Variants in MDH1B observed in about 807,000 individuals in gnomAD.
The protein encoded by MDH1B is malate dehydrogenase 1B, also known as putative malate dehydrogenase 1B.
MDH1B carries 60 observed loss-of-function variants against 61.4 expected under a neutral mutation model. The ratio of observed to expected loss-of-function variants is 0.98; its 90% CI spans 0.79 to 1.21. The LOEUF is 1.21. Ranked by LOEUF, MDH1B falls within the 50% of genes most tolerant of loss-of-function variation. MDH1B has a pLI of 0.00. For synonymous variants in MDH1B, 236 were observed against 218.7 expected (o/e 1.08, Z -0.70); for missense variants, 587 against 632.1 (o/e 0.93, Z 0.76).
At chr2:206,747,787 G>C (rs1365726134) in intron 7 of MDH1B, among the ~76,000 whole-genome samples, 2 of 152,118 alleles carry the variant, frequency 1.3e-5, no homozygotes, top group Non-Finnish European at 2.9e-5. Flanking sequence ...AACCTGTACT[G>C]GCGTCACTGA....
At chr2:206,750,245 T>C (rs774424746) in intron 6 of MDH1B, among the ~76,000 whole-genome samples, 2 of 151,800 alleles carry the variant, frequency 1.3e-5, no homozygotes, top group Non-Finnish European at 2.9e-5. Flanking sequence ...TGCTAGTGCT[T>C]ATTGTACAGA....
intron 1 of MDH1B, among the ~76,000 whole-genome samples, chr2:206,765,041 T>G (rs1689355899): frequency 1.3e-5 from 2 of 152,142 alleles, no homozygotes; most frequent in Admixed American, 1.3e-4. Flanking sequence ...GACTGAAAGC[T>G]CCTCTAAGGC....
At chr2:206,763,801 TC>T (rs774926211) in intron 1 of MDH1B, among the ~76,000 whole-genome samples, 67 of 152,326 alleles carry the variant, frequency 4.4e-4, no homozygotes, top group Middle Eastern at 3.4e-3. Flanking sequence ...ATTGCTCCCC[TC>T]CTTTCTACCT....
At chr2:206,744,988 C>T (rs1219312232) in intron 9 of MDH1B, among the ~76,000 whole-genome samples, 1 of 151,272 alleles carries the variant, frequency 6.6e-6, no homozygotes, top group Non-Finnish European at 1.5e-5. Flanking sequence ...CGCCTGGTAC[C>T]TATGAATGTG....
chr2:206,751,063 A>G lies in MDH1B; in HGVS notation c.923T>C (p.Val308Ala). 1 of 1,594,256 alleles carries G rather than the reference A, an allele frequency of 6.3e-7. No individual in the cohort carries two copies. The highest frequency in any genetic ancestry group is 8.6e-7 in the Non-Finnish European group (1 of 1,167,302). Residue 308 changes from valine to alanine, a missense_variant, in exon 6 of 12, where the codon GTG becomes GCG. Coordinates refer to ENST00000374412, the MANE Select transcript of MDH1B (RefSeq NM_001039845.3). ...TCCACTGATATTACCCCAAATGATC[A>G]CGTCTTTAATGTCTGTGAAGAATAG... ...LKTAPSYIKD[V>A]IIWGNISGNN... is the part of the protein sequence containing the mutation.
intron 2 of MDH1B, among the ~76,000 whole-genome samples, chr2:206,759,037 A>T (rs893514241): frequency 4.7e-5 from 7 of 148,182 alleles, no homozygotes; most frequent in Non-Finnish European, 1.0e-4. Context: ...TACATAGGTA[A>T]ATTTGTGTCA....
At chr2:206,743,099 A>C (rs1687909858) in intron 9 of MDH1B, among the ~76,000 whole-genome samples, 1 of 152,176 alleles carries the variant, frequency 6.6e-6, no homozygotes, top group Admixed American at 6.5e-5. Flanking sequence ...TTGAAGGAAC[A>C]CAGAGTTGGA....
rs756085689 is a variant in MDH1B, at chr2:206,749,002, T to C, written c.1216+18A>G. The stretch of plus-strand genomic sequence containing the variant: ...AGAGGTTTTAAGATTTTACAAGATA[T>C]GAAAAACCCAGATTTACCTTCACTC... On this transcript the variant is annotated intron_variant, in intron 7 of 11. Coordinates refer to ENST00000374412, the MANE Select transcript of MDH1B (RefSeq NM_001039845.3). 1.1e-5 allele frequency: 18 copies of C among 1,609,718 alleles called. No individual in the cohort carries two copies. The highest frequency in any genetic ancestry group is 1.6e-4 in the Middle Eastern group (1 of 6,066).
chr2:206,741,050 T>A lies in MDH1B; in HGVS notation c.1459+4A>T. On this transcript the variant is annotated splice_donor_region_variant and intron_variant, in intron 10 of 11. Transcript: ENST00000374412. ...AGACATTGTTTATAACCCCACTGAC[T>A]TACCATCTGACATAGCTAGATTTTT... is the stretch of plus-strand genomic sequence containing the variant. The A allele has an allele frequency of 6.2e-7, 1 of 1,613,148 alleles. No homozygotes were observed. The highest frequency in any genetic ancestry group is 1.1e-5 in the South Asian group (1 of 91,060).
intron 9 of MDH1B, chr2:206,745,308 T>G: frequency 2.0e-6 from 1 of 500,120 alleles, no homozygotes; most frequent in Non-Finnish European, 3.9e-6. Context: ...TCCTGAGCTG[T>G]GAACAAGTAA....
rs149410093 is a variant in MDH1B at position 206,757,236 on chromosome 2, C to T, written c.270+1G>A. On this transcript the variant is annotated splice_donor_variant, in intron 3 of 11. Transcript: ENST00000374412. LOFTEE classifies it high-confidence loss of function. ...TAGAACAGATAAGTTAACTTATATA[C>T]CTGAGCATGCTCCAGGAACTCATTA... 47 of 1,611,976 alleles carry T rather than the reference C, an allele frequency of 2.9e-5. No individual in the cohort carries two copies. The highest frequency in any genetic ancestry group is 1.8e-4 in the Admixed American group (11 of 59,686).
At chr2:206,739,823 C>T (rs1260536127) in intron 10 of MDH1B, among the ~76,000 whole-genome samples, 162 bp from the exon 11 acceptor site, 1 of 152,174 alleles carries the variant, frequency 6.6e-6, no homozygotes, top group East Asian at 1.9e-4. Flanking sequence ...TATAAAGTCT[C>T]AACCATTGAT....
intron 2 of MDH1B, among the ~76,000 whole-genome samples, chr2:206,758,245 A>G (rs1192022689): frequency 1.3e-5 from 2 of 152,212 alleles, no homozygotes; most frequent in African/African-American, 4.8e-5. Context: ...AAGGGCATGT[A>G]CAAGACTGGA....
chr2:206,744,105 C>T (rs1687957526), intron 9 of MDH1B, among the ~76,000 whole-genome samples: 1 of 152,216 alleles, frequency 6.6e-6, no homozygotes, highest in African/African-American at 2.4e-5. Flanking sequence ...GCTTTGGCCA[C>T]ATGAGCTTTT....
intron 1 of MDH1B, among the ~76,000 whole-genome samples, chr2:206,761,424 G>T (rs1272320754): frequency 6.6e-6 from 1 of 152,096 alleles, no homozygotes; most frequent in Non-Finnish European, 1.5e-5. Context: ...TGGATTTGAT[G>T]TGTGTCAGGA....
intron 11 of MDH1B, 106 bp downstream of exon 11, chr2:206,739,487 G>T: frequency 1.0e-6 from 1 of 989,264 alleles, no homozygotes; most frequent in Non-Finnish European, 1.5e-6. Flanking sequence ...TGTGGGAAGT[G>T]GGGAGGGTTT....
At chr2:206,751,676 C>G (rs1316584975) in intron 5 of MDH1B, among the ~76,000 whole-genome samples, 1 of 152,102 alleles carries the variant, frequency 6.6e-6, no homozygotes, top group East Asian at 1.9e-4. Flanking sequence ...CAGCCCAAAT[C>G]CTTACAACAT....
intron 1 of MDH1B, among the ~76,000 whole-genome samples, chr2:206,761,961 G>T (rs761307287): frequency 6.6e-6 from 1 of 152,090 alleles, no homozygotes; most frequent in Non-Finnish European, 1.5e-5. Context: ...TTTGGGAAAT[G>T]AGCCTGATAA....
rs1298800284 is a variant in MDH1B at position 206,747,876 on chromosome 2, A to G, written c.1216+1144T>C. Among the ~76,000 whole-genome samples, 4 of 152,080 alleles carry G rather than the reference A, an allele frequency of 2.6e-5. No individual in the cohort carries two copies. The East Asian group carries it at 7.7e-4, about 29-fold the overall frequency. ...AACCAATTGGGAAGGATGACAGTACATTCAGTCTGGTATATGTTGGATGGA... is the reference window on the plus strand; with the variant it reads ...AACCAATTGGGAAGGATGACAGTACGTTCAGTCTGGTATATGTTGGATGGA... On this transcript the variant is annotated intron_variant, in intron 7 of 11. Transcript: ENST00000374412.
Sources: gnomAD v4.1 joint callset for allele counts (sites outside exome capture counted in the v4.1 genomes callset) on GRCh38, gnomAD v4.1.1 for gene constraint, MANE v1.5 for transcripts, NCBI Gene and HGNC (gene_info 2026-07-23, HGNC 2026-07-21) for gene names.